The following CNTN5 variants were observed in gnomAD, a reference collection of about 807,000 sequenced individuals.
CNTN5 encodes the protein contactin-5.
A neutral mutation model predicts 129.1 loss-of-function variants in CNTN5; 77 were observed. That is an observed-to-expected ratio of 0.60 (90% CI 0.50 to 0.72). The LOEUF is 0.72. CNTN5 is among the 30% of genes least tolerant of loss of function. The pLI is 0.00. For missense variants in CNTN5, 1,478 were observed against 1,328.8 expected (o/e 1.11, Z -1.75); for synonymous variants, 509 against 465.6 (o/e 1.09, Z -1.20).
At chr11:99,981,117 CAT>C (rs1373236671) in intron 8 of CNTN5, among the ~76,000 whole-genome samples, 134 of 92,072 alleles carry the variant, frequency 1.5e-3, no homozygotes, top group African/African-American at 4.0e-3. Context: ...CACACACACA[CAT>C]ATATGAAAGA....
At chr11:99,809,709 C>G (rs1356582406) in intron 3 of CNTN5, among the ~76,000 whole-genome samples, 1 of 152,058 alleles carries the variant, frequency 6.6e-6, no homozygotes, top group Non-Finnish European at 1.5e-5. Context: ...TATGTAAAAG[C>G]ACAACTTGCC....
chr11:99,334,830 C>A (rs980480306), intron 2 of CNTN5, among the ~76,000 whole-genome samples: 2 of 4,084 alleles, frequency 4.9e-4, no homozygotes, highest in East Asian at 6.8e-3. Context: ...TAAAATAATT[C>A]TTTTTTCTTA....
At chr11:100,237,290 C>G (rs1949641125) in intron 16 of CNTN5, among the ~76,000 whole-genome samples, 1 of 151,664 alleles carries the variant, frequency 6.6e-6, no homozygotes, top group East Asian at 1.9e-4. Context: ...CCTAAGAAGA[C>G]AAAAGTAAAA....
intron 3 of CNTN5, among the ~76,000 whole-genome samples, chr11:99,809,046 T>G (rs535289570): frequency 3.3e-5 from 5 of 152,310 alleles, no homozygotes; most frequent in African/African-American, 1.2e-4. Context: ...CACAACTTCC[T>G]TTGTCCCTAC....
At chr11:99,284,602 T>G (rs566992699) in intron 1 of CNTN5, among the ~76,000 whole-genome samples, 6 of 706 alleles carry the variant, frequency 8.5e-3, no homozygotes, top group East Asian at 0.071. Flanking sequence ...AGATGAGTGG[T>G]GTGTGTGTGT....
intron 15 of CNTN5, among the ~76,000 whole-genome samples, chr11:100,204,926 A>G (rs529166308): frequency 1.3e-5 from 2 of 152,156 alleles, no homozygotes; most frequent in East Asian, 1.9e-4. Flanking sequence ...GCGTAATATA[A>G]TAAGGCCCTG....
At chr11:99,644,977 A>T (rs991111540) in intron 3 of CNTN5, among the ~76,000 whole-genome samples, 14 of 151,984 alleles carry the variant, frequency 9.2e-5, no homozygotes, top group East Asian at 3.9e-4. Context: ...TGAAAAAAAA[A>T]ATTTTGAGGT....
intron 9 of CNTN5, among the ~76,000 whole-genome samples, chr11:100,037,346 G>A (rs1221067771): frequency 1.3e-5 from 2 of 151,852 alleles, no homozygotes; most frequent in African/African-American, 2.4e-5. Context: ...TAAGCTTTTT[G>A]ATGTGCTGCT....
At chr11:99,755,085 T>C (rs982051894) in intron 3 of CNTN5, among the ~76,000 whole-genome samples, 1 of 152,174 alleles carries the variant, frequency 6.6e-6, no homozygotes, top group Admixed American at 6.5e-5. Flanking sequence ...TCATTTCTTG[T>C]TAGCAATGAA....
chr11:100,121,188 C>T (rs1211431422), intron 13 of CNTN5, among the ~76,000 whole-genome samples: 2 of 151,904 alleles, frequency 1.3e-5, no homozygotes, highest in African/African-American at 4.8e-5. Flanking sequence ...AAACAGTTTA[C>T]AGGAGAGGGG....
At chr11:99,585,313 A>G (rs1949757242) in intron 3 of CNTN5, among the ~76,000 whole-genome samples, 1 of 152,196 alleles carries the variant, frequency 6.6e-6, no homozygotes, top group Non-Finnish European at 1.5e-5. Context: ...TTTTGACTAC[A>G]TATGTGTGAG....
intron 18 of CNTN5, among the ~76,000 whole-genome samples, chr11:100,276,728 G>A (rs1384915662): frequency 6.6e-6 from 1 of 151,858 alleles, no homozygotes; most frequent in Non-Finnish European, 1.5e-5. Context: ...GAGATATTTT[G>A]ATACAGGCAT....
At chr11:100,037,784 A>C (rs1942109256) in intron 9 of CNTN5, among the ~76,000 whole-genome samples, 2 of 152,036 alleles carry the variant, frequency 1.3e-5, no homozygotes, top group Non-Finnish European at 2.9e-5. Context: ...CTCTGATGGT[A>C]GTTTGTATAT....
At chr11:99,726,772 A>G (rs916945671) in intron 3 of CNTN5, among the ~76,000 whole-genome samples, 2 of 152,160 alleles carry the variant, frequency 1.3e-5, no homozygotes, top group Non-Finnish European at 2.9e-5. Flanking sequence ...AGAATGTCAG[A>G]TTCTTCCGGC....
chr11:99,960,057 C>T (rs1475790574), intron 8 of CNTN5, among the ~76,000 whole-genome samples: 1 of 152,140 alleles, frequency 6.6e-6, no homozygotes, highest in African/African-American at 2.4e-5. Context: ...TTCTAACTTC[C>T]CTTTTTTGTT....
intron 1 of CNTN5, among the ~76,000 whole-genome samples, chr11:99,108,298 C>T (rs542187260): frequency 1.1e-3 from 160 of 152,214 alleles, no homozygotes; most frequent in Non-Finnish European, 1.8e-3. Context: ...AATTTAGATC[C>T]TAGAAAGCTG....
chr11:100,100,953 A>G (rs1285590872), intron 13 of CNTN5, among the ~76,000 whole-genome samples: 1 of 152,128 alleles, frequency 6.6e-6, no homozygotes, highest in Non-Finnish European at 1.5e-5. Flanking sequence ...AACTGATACA[A>G]TATCTACAAA....
chr11:99,027,945 A>G (rs1017631933), intron 1 of CNTN5, among the ~76,000 whole-genome samples: 2 of 151,796 alleles, frequency 1.3e-5, no homozygotes, highest in African/African-American at 4.8e-5. Flanking sequence ...GAAGTCTTTT[A>G]TATCCTAAGT....
chr11:100,048,905 TG>T, intron 9 of CNTN5, among the ~76,000 whole-genome samples: 1 of 151,728 alleles, frequency 6.6e-6, no homozygotes, highest in South Asian at 2.1e-4. Flanking sequence ...AACTAATTGA[TG>T]AAAAACAAAA....
Sources: gnomAD v4.1 joint callset for allele counts (sites outside exome capture counted in the v4.1 genomes callset) on GRCh38, gnomAD v4.1.1 for gene constraint, MANE v1.5 for transcripts, NCBI Gene and HGNC (gene_info 2026-07-23, HGNC 2026-07-21) for gene names.